CECR2: variants seen among roughly 807,000 people sequenced by gnomAD.
CECR2 encodes CECR2 histone acetyl-lysine reader.
In CECR2, 30 loss-of-function variants were observed where a neutral mutation model predicts 154.5. The ratio of observed to expected loss-of-function variants is 0.19; its 90% CI spans 0.15 to 0.26. The LOEUF (loss-of-function observed/expected upper bound fraction) is 0.26. Among genes scored for constraint, CECR2 ranks in the 10% least tolerant of loss-of-function variants. CECR2 has a pLI of 1.00. For synonymous variants in CECR2, 725 were observed against 683.7 expected (o/e 1.06, Z -0.94); for missense variants, 1,743 against 1,829.3 (o/e 0.95, Z 0.86).
At chr22:17,507,920 C>G (rs117864399) in intron 7 of CECR2, among the ~76,000 whole-genome samples, 1 of 152,084 alleles carries the variant, frequency 6.6e-6, no homozygotes. Flanking sequence ...ACAGAAGGAT[C>G]GATTTATTCA....
intron 12 of CECR2, 51 bp from the exon 13 acceptor site, chr22:17,538,942 A>G: frequency 6.3e-7 from 1 of 1,584,560 alleles, no homozygotes; most frequent in Middle Eastern, 1.7e-4. Flanking sequence ...TCTCTATGGA[A>G]TGTTTGCTCT....
intron 3 of CECR2, 51 bp downstream of exon 3, chr22:17,497,637 A>G: frequency 6.4e-7 from 1 of 1,574,228 alleles, no homozygotes; most frequent in Non-Finnish European, 8.7e-7. Context: ...GCCAGCAATC[A>G]GAAATGTAGT....
At chr22:17,481,159 C>G (rs1373186397) in intron 2 of CECR2, among the ~76,000 whole-genome samples, 1 of 146,772 alleles carries the variant, frequency 6.8e-6, no homozygotes, top group Non-Finnish European at 1.5e-5. Context: ...CTGGCTAACA[C>G]GGTGAAACCC....
intron 1 of CECR2, among the ~76,000 whole-genome samples, chr22:17,423,794 G>A (rs28454300): frequency 0.15 from 22,309 of 152,076 alleles, 1,671 homozygotes; most frequent in South Asian, 0.18. Flanking sequence ...TCCAGTTTGG[G>A]GCACTGTGAT....
chr22:17,549,634 A>G (rs1412728047), intron 17 of CECR2, 70 bp downstream of exon 17: 62 of 1,328,570 alleles, frequency 4.7e-5, no homozygotes, highest in Non-Finnish European at 3.3e-5. Flanking sequence ...TATTTTTGAG[A>G]CAGAGTCTCA....
chr22:17,504,164 G>T (rs2055791537), intron 6 of CECR2, among the ~76,000 whole-genome samples: 1 of 151,940 alleles, frequency 6.6e-6, no homozygotes, highest in African/African-American at 2.4e-5. Flanking sequence ...TTGAGCTCAG[G>T]AATTAGAGCC....
chr22:17,404,609 G>A (rs1190876619), intron 1 of CECR2, among the ~76,000 whole-genome samples: 1 of 130,866 alleles, frequency 7.6e-6, no homozygotes, highest in Non-Finnish European at 1.6e-5. Flanking sequence ...TCCTGACCTC[G>A]TGATCCACCC....
Position 17,537,220 on chromosome 22 carries a change from A to G in CECR2, c.1226A>G (p.Lys409Arg), listed in dbSNP as rs778084870. The G allele has an allele frequency of 1.2e-6, 2 of 1,613,890 alleles. No homozygotes were observed. The highest frequency in any genetic ancestry group is 1.7e-6 in the Non-Finnish European group (2 of 1,179,812). Residue 409 changes from lysine to arginine, a missense_variant, in exon 10 of 19, where the codon AAG (lysine) becomes AGG (arginine). Around this residue, in one of 4 missense-constraint regions of CECR2, gnomAD observed 292 missense variants for 301.2 expected, o/e 0.97. Coordinates refer to ENST00000262608, the MANE Select transcript of CECR2 (RefSeq NM_001290047.2). ...DPNSPMREEK[K>R]TKDLFELDDD... The stretch of plus-strand genomic sequence containing the variant: ...AATTCCCCCATGAGAGAGGAAAAAA[A>G]GACTAAAGACCTGTGAGTATTTAGT...
At chr22:17,447,033 C>CTGTTGTTTTTTTTTT (rs1339121774) in intron 1 of CECR2, among the ~76,000 whole-genome samples, 1 of 114,110 alleles carries the variant, frequency 8.8e-6, no homozygotes, top group Non-Finnish European at 1.7e-5. Flanking sequence ...CGTTTACAAT[C>CTGTTGTTTTTTTTTT]TTTTTTTTTT....
At chr22:17,436,347 A>T (rs2054506802) in intron 1 of CECR2, among the ~76,000 whole-genome samples, 1 of 152,252 alleles carries the variant, frequency 6.6e-6, no homozygotes, top group Non-Finnish European at 1.5e-5. Context: ...AGTTCTATGC[A>T]CAATAATACA....
chr22:17,479,080 A>T (rs2055260871), intron 2 of CECR2, among the ~76,000 whole-genome samples: 1 of 152,208 alleles, frequency 6.6e-6, no homozygotes, highest in Non-Finnish European at 1.5e-5. Context: ...CCAGTCTGGT[A>T]GCTGACAAGT....
intron 9 of CECR2, among the ~76,000 whole-genome samples, chr22:17,534,007 C>A (rs1295394955): frequency 6.6e-6 from 1 of 151,998 alleles, no homozygotes; most frequent in Non-Finnish European, 1.5e-5. Context: ...AGCCACCATG[C>A]CCGGCCGAGC....
At chr22:17,537,634 C>A (rs1270986663) in intron 10 of CECR2, among the ~76,000 whole-genome samples, 1 of 152,164 alleles carries the variant, frequency 6.6e-6, no homozygotes, top group Non-Finnish European at 1.5e-5. Flanking sequence ...TTCCTGAGCT[C>A]ATTTATCATA....
At chr22:17,430,907 C>T (rs1402619624) in intron 1 of CECR2, among the ~76,000 whole-genome samples, 1 of 152,144 alleles carries the variant, frequency 6.6e-6, no homozygotes, top group African/African-American at 2.4e-5. Flanking sequence ...TATGCTAATG[C>T]ACATCATTAA....
At chr22:17,544,433 G>C (rs1322671819) in intron 16 of CECR2, among the ~76,000 whole-genome samples, 1 of 148,886 alleles carries the variant, frequency 6.7e-6, no homozygotes, top group African/African-American at 2.5e-5. Flanking sequence ...GGGAGGGAGA[G>C]GTTGCAGTGA....
intron 1 of CECR2, among the ~76,000 whole-genome samples, chr22:17,458,077 A>G (rs2054881269): frequency 1.3e-5 from 2 of 152,146 alleles, no homozygotes; most frequent in Admixed American, 1.3e-4. Flanking sequence ...ACTGTTCTTC[A>G]TCTTAATTGT....
At chr22:17,437,320 G>A (rs780386071) in intron 1 of CECR2, among the ~76,000 whole-genome samples, 1 of 152,060 alleles carries the variant, frequency 6.6e-6, no homozygotes, top group Non-Finnish European at 1.5e-5. Flanking sequence ...CGGGAGGGGG[G>A]CCCTGGGGAC....
intron 1 of CECR2, among the ~76,000 whole-genome samples, chr22:17,380,837 T>A (rs1348263936): frequency 6.6e-6 from 1 of 152,246 alleles, no homozygotes; most frequent in Non-Finnish European, 1.5e-5. Context: ...TTTCTTCTCC[T>A]GGCCGGTTCC....
At chr22:17,483,299 C>T (rs1388560097) in intron 2 of CECR2, among the ~76,000 whole-genome samples, 1 of 152,222 alleles carries the variant, frequency 6.6e-6, no homozygotes, top group Non-Finnish European at 1.5e-5. Context: ...GTGGCTCATG[C>T]CTGTAATCCC....
Sources: allele counts gnomAD v4.1 joint callset (sites outside exome capture counted in the v4.1 genomes callset), GRCh38; gene constraint gnomAD v4.1.1; regional missense constraint gnomAD v4.1.1; transcripts MANE v1.5; gene names NCBI Gene and HGNC (gene_info 2026-07-23, HGNC 2026-07-21).